Variants in CTCF observed in about 807,000 individuals in gnomAD.
The protein encoded by CTCF is transcriptional repressor CTCF.
A neutral mutation model predicts 72.3 loss-of-function variants in CTCF; 7 were observed. That is an observed-to-expected ratio of 0.10 (90% CI 0.06 to 0.18). CTCF has a LOEUF of 0.18. Ranked by LOEUF, CTCF falls within the 10% of genes least tolerant of loss-of-function variation. CTCF has a pLI of 1.00. For synonymous variants in CTCF, 374 were observed against 315.8 expected (o/e 1.18, Z -1.95); for missense variants, 516 against 949.1 (o/e 0.54, Z 6.00).
rs545098307 is a variant in CTCF, at chr16:67,565,005, C to CTT, written c.-127+2293_-127+2294dup. On this transcript the variant is annotated intron_variant, in intron 1 of 11. Transcript: ENST00000264010. ...ATTGATATGTTAGGGTAACCCAGAC[C>CTT]TTTTTTTTTTTTTGAGACGGAGTCT... is the stretch of plus-strand genomic sequence containing the variant. Among the ~76,000 whole-genome samples the CTT allele has an allele frequency of 1.3e-3, 181 of 144,712 alleles. 1 individual carries two copies. Among genetic ancestry groups the CTT allele is most frequent in the Non-Finnish European group, 1.4e-3 (92 of 65,448 alleles). 94.9% of individuals were successfully genotyped at this position (144,712 alleles called of 152,430 possible). A position where few individuals can be genotyped will look rare whatever the true frequency, so the allele number is the denominator to read the frequency against.
intron 4 of CTCF, chr16:67,612,442 T>A (rs2052073007): frequency 5.4e-6 from 1 of 185,786 alleles, no homozygotes; most frequent in Non-Finnish European, 1.1e-5. Flanking sequence ...TACAAAAAAT[T>A]AGCTGGGTGT....
chr16:67,619,475 A>G (rs1212346139), intron 5 of CTCF, among the ~76,000 whole-genome samples: 2 of 152,206 alleles, frequency 1.3e-5, no homozygotes, highest in South Asian at 2.1e-4. Flanking sequence ...TTATGAGTAC[A>G]GTGTTTTTTT....
intron 10 of CTCF, among the ~76,000 whole-genome samples, chr16:67,630,953 A>G (rs1370168164): frequency 6.6e-6 from 1 of 152,014 alleles, no homozygotes; most frequent in East Asian, 1.9e-4. Context: ...GGTGGTAGAG[A>G]GTTTGGTTTT....
At chr16:67,614,033 G>GGCGC (rs1236259340) in intron 4 of CTCF, among the ~76,000 whole-genome samples, 1 of 151,980 alleles carries the variant, frequency 6.6e-6, no homozygotes, top group Non-Finnish European at 1.5e-5. Flanking sequence ...GCATTCTAGG[G>GGCGC]GGCGCCTTTG....
chr16:67,632,553 G>A (rs1188140566), intron 10 of CTCF, among the ~76,000 whole-genome samples: 1 of 152,180 alleles, frequency 6.6e-6, no homozygotes, highest in Non-Finnish European at 1.5e-5. Flanking sequence ...TGTCTACAGA[G>A]ATTGACCAGC....
At chr16:67,576,427 AT>A (rs950986451) in intron 2 of CTCF, among the ~76,000 whole-genome samples, 5 of 151,440 alleles carry the variant, frequency 3.3e-5, no homozygotes, top group Admixed American at 6.6e-5. Context: ...AGTTTGTGTA[AT>A]TTTTTTTAAT....
chr16:67,625,064 A>T (rs1050867143), intron 7 of CTCF, among the ~76,000 whole-genome samples: 1 of 152,136 alleles, frequency 6.6e-6, no homozygotes, highest in African/African-American at 2.4e-5. Flanking sequence ...AGCTGGGACC[A>T]CAGGTGTACG....
chr16:67,629,745 C>CTTTTTTTTTTTTTTTTTTTT (rs1567616725), intron 10 of CTCF, among the ~76,000 whole-genome samples: 1 of 85,030 alleles, frequency 1.2e-5, no homozygotes, highest in East Asian at 3.6e-4. Flanking sequence ...TCATTAATGC[C>CTTTTTTTTTTTTTTTTTTTT]CTTTTTTTTT....
At chr16:67,596,410 A>T (rs2051815565) in intron 2 of CTCF, among the ~76,000 whole-genome samples, 2 of 152,158 alleles carry the variant, frequency 1.3e-5, no homozygotes, top group Middle Eastern at 3.4e-3. Flanking sequence ...TCCTTTGCCC[A>T]GCTTTTTCTT....
At chr16:67,577,201 G>A (rs948323167) in intron 2 of CTCF, among the ~76,000 whole-genome samples, 29 of 151,532 alleles carry the variant, frequency 1.9e-4, no homozygotes, top group African/African-American at 6.5e-4. Context: ...GGCGGATCAC[G>A]AGGTCAGGAG....
chr16:67,569,755 G>A (rs1245422338), intron 1 of CTCF, among the ~76,000 whole-genome samples: 3 of 151,008 alleles, frequency 2.0e-5, no homozygotes, highest in East Asian at 3.9e-4. Flanking sequence ...GCGCGATCTC[G>A]GCTCATTCCA....
intron 2 of CTCF, among the ~76,000 whole-genome samples, chr16:67,594,447 C>A (rs959957066): frequency 3.3e-5 from 5 of 151,154 alleles, no homozygotes; most frequent in Non-Finnish European, 7.4e-5. Context: ...TGCCTATATT[C>A]TCAGCATTTT....
At chr16:67,568,252 G>A (rs1028538626) in intron 1 of CTCF, 1 of 151,688 alleles carries the variant, frequency 6.6e-6, no homozygotes, top group Admixed American at 6.6e-5. Flanking sequence ...GCTAATTTTT[G>A]TATTTTTAGT....
intron 2 of CTCF, among the ~76,000 whole-genome samples, chr16:67,605,498 T>C (rs985159149): frequency 6.6e-6 from 1 of 152,150 alleles, no homozygotes; most frequent in African/African-American, 2.4e-5. Flanking sequence ...AGAAAGAAGG[T>C]AATGGAAGAA....
intron 5 of CTCF, among the ~76,000 whole-genome samples, chr16:67,617,265 T>G (rs1461705993): frequency 2.0e-5 from 3 of 152,078 alleles, no homozygotes; most frequent in Non-Finnish European, 4.4e-5. Flanking sequence ...TTTGGGAGGC[T>G]GAGGTGGGTG....
intron 2 of CTCF, among the ~76,000 whole-genome samples, chr16:67,582,782 T>A (rs1311646799): frequency 1.3e-5 from 2 of 152,100 alleles, no homozygotes; most frequent in African/African-American, 2.4e-5. Flanking sequence ...ATTTTTTTTT[T>A]AATCAAACCT....
At chr16:67,637,373 A>G (rs2052445100) in intron 11 of CTCF, among the ~76,000 whole-genome samples, 1 of 152,114 alleles carries the variant, frequency 6.6e-6, no homozygotes, top group Non-Finnish European at 1.5e-5. Context: ...CTCTGCTAAA[A>G]ATACAAAAAT....
Position 67,629,391 on chromosome 16 carries a change from T to C in CTCF, c.1702-7T>C. 1 of 1,593,598 alleles carries C rather than the reference T, an allele frequency of 6.3e-7. No homozygotes were observed. Among genetic ancestry groups the C allele is most frequent in the Non-Finnish European group, 8.5e-7 (1 of 1,172,418 alleles). ...GGTGTGAAAGAGGATTTTGTTCTTT[T>C]TGTTAGAATACCATGGCAAGACATG... is the stretch of plus-strand genomic sequence containing the variant. On this transcript the variant is annotated splice_region_variant and splice_polypyrimidine_tract_variant and intron_variant, in intron 9 of 11. Coordinates refer to ENST00000264010, the MANE Select transcript of CTCF (RefSeq NM_006565.4).
chr16:67,630,526 G>C (rs996493127), intron 10 of CTCF, among the ~76,000 whole-genome samples: 2 of 152,104 alleles, frequency 1.3e-5, no homozygotes, highest in African/African-American at 4.8e-5. Flanking sequence ...AGACAAAGAT[G>C]GGCAGATCAC....
Sources: gnomAD v4.1 joint callset for allele counts (sites outside exome capture counted in the v4.1 genomes callset) on GRCh38, gnomAD v4.1.1 for gene constraint, MANE v1.5 for transcripts, NCBI Gene and HGNC (gene_info 2026-07-23, HGNC 2026-07-21) for gene names.